The following TXK variants were observed in gnomAD, a reference collection of about 807,000 sequenced individuals.
The protein encoded by TXK is tyrosine-protein kinase TXK.
In TXK, 60 loss-of-function variants were observed where a neutral mutation model predicts 81.0. The observed-to-expected ratio is 0.74, with a 90% CI of 0.60 to 0.92. TXK has a LOEUF of 0.92. Ranked by LOEUF, TXK falls within the 40% of genes least tolerant of loss-of-function variation. The probability of loss-of-function intolerance (pLI) is 0.00; values close to 1 mark genes in which losing one functional copy is unlikely to be tolerated. For missense variants in TXK, 581 were observed against 638.3 expected (o/e 0.91, Z 0.97); for synonymous variants, 203 against 210.7 (o/e 0.96, Z 0.32).
chr4:48,084,264 G>GT (rs922054376), intron 10 of TXK, among the ~76,000 whole-genome samples: 1,465 of 145,440 alleles, frequency 0.01, 29 homozygotes, highest in African/African-American at 0.031. Context: ...TAGTTTTTTT[G>GT]TTTTTTTTTT....
In TXK at chr4:48,077,856, C is replaced by T. The variant is rs920900341; in HGVS notation, c.1174-1390G>A. ...TATGAGGAAGGTGCTATAATTAATA[C>T]CATTTTACTGGTTAACTAGCTTGCC... On this transcript the variant is annotated intron_variant, in intron 11 of 14. Transcript: ENST00000264316. Among the ~76,000 whole-genome samples the T allele has an allele frequency of 6.6e-5, 10 of 152,238 alleles. No homozygotes were observed. The South Asian group carries it at 1.0e-3, about 16-fold the overall frequency.
chr4:48,131,151 G>A lies in TXK; in HGVS notation c.16+3004C>T, dbSNP rs1195819007. Reference sequence around the variant, plus strand: ...TACGTTTCACAAACTGAATCTCACTGGAGCAGTGCCCTGAGACCCCACTCC... The same window carrying A: ...TACGTTTCACAAACTGAATCTCACTAGAGCAGTGCCCTGAGACCCCACTCC... On this transcript the variant is annotated intron_variant, in intron 1 of 14. Coordinates refer to ENST00000264316, the MANE Select transcript of TXK (RefSeq NM_003328.3). Among the ~76,000 whole-genome samples, 4 of 152,176 alleles carry A rather than the reference G, an allele frequency of 2.6e-5. No individual in the cohort carries two copies. The East Asian group carries it at 5.8e-4, about 22-fold the overall frequency.
intron 3 of TXK, 91 bp from the exon 4 acceptor site, chr4:48,112,603 A>C (rs1246843292): frequency 1.0e-5 from 14 of 1,340,674 alleles, no homozygotes; most frequent in Non-Finnish European, 1.1e-5. Context: ...CTTCTGCCTC[A>C]CTTTTCTTAT....
intron 1 of TXK, among the ~76,000 whole-genome samples, chr4:48,128,301 A>AC (rs147244163): frequency 1.3e-5 from 2 of 152,100 alleles, no homozygotes; most frequent in South Asian, 4.1e-4. Context: ...TAACCCAAAG[A>AC]CCAGGCTTGT....
intron 5 of TXK, among the ~76,000 whole-genome samples, chr4:48,105,664 T>G (rs1718430314): frequency 6.6e-6 from 1 of 152,116 alleles, no homozygotes. Context: ...AACTTGCATG[T>G]GTACCCTCTA....
chr4:48,121,757 A>G (rs1382739363), intron 1 of TXK, among the ~76,000 whole-genome samples: 1 of 152,094 alleles, frequency 6.6e-6, no homozygotes, highest in East Asian at 1.9e-4. Flanking sequence ...TTTGTTCCAC[A>G]GTTGGTTGAA....
intron 11 of TXK, among the ~76,000 whole-genome samples, chr4:48,077,603 G>A (rs760030422): frequency 2.9e-4 from 44 of 152,036 alleles, no homozygotes; most frequent in Non-Finnish European, 5.4e-4. Flanking sequence ...ATTGTTATCC[G>A]GAAAGACAAA....
chr4:48,082,751 A>C (rs986679462), intron 10 of TXK, among the ~76,000 whole-genome samples: 11 of 152,208 alleles, frequency 7.2e-5, no homozygotes, highest in African/African-American at 2.7e-4. Context: ...CTCCAGGTCC[A>C]GAAGCAGATG....
At position 48,089,783 on chromosome 4, in the gene TXK, T is replaced by A. The variant is rs763749758; in HGVS notation, c.751A>T (p.Ser251Cys). Residue 251 changes from serine to cysteine, a missense_variant, in exon 9 of 15, where the codon AGT becomes TGT. Physicochemically the swap from Ser to Cys is moderately radical, Grantham distance 112 (BLOSUM62 -1). Coordinates refer to ENST00000264316, the MANE Select transcript of TXK (RefSeq NM_003328.3). Reference protein sequence around the residue: ...RLRYPVGLMGSCLPATAGFSY... With the variant: ...RLRYPVGLMGCCLPATAGFSY... ...AACCCAGCTGTGGCTGGTAAACAAC[T>A]GCCCATCAGCCCAACTGGATATCGG... 1.2e-6 allele frequency: 2 copies of A among 1,613,640 alleles called. No individual in the cohort carries two copies. Among genetic ancestry groups the A allele is most frequent in the Non-Finnish European group, 1.7e-6 (2 of 1,179,718 alleles).
At position 48,120,052 on chromosome 4, in the gene TXK, C is replaced by T. The variant is rs1015065365; in HGVS notation, c.17-5650G>A. On this transcript the variant is annotated intron_variant, in intron 1 of 14. Transcript: ENST00000264316. ...CTTCTCCTATATCACCATTTTTCCCCCTCTACTGGATCATCAGCATATATA... is the reference window on the plus strand; with the variant it reads ...CTTCTCCTATATCACCATTTTTCCCTCTCTACTGGATCATCAGCATATATA... Among the ~76,000 whole-genome samples the T allele has an allele frequency of 7.5e-5, 11 of 146,190 alleles. No individual in the cohort carries two copies. The South Asian group carries it at 1.1e-3, about 15-fold the overall frequency.
chr4:48,109,340 A>G (rs1018188434), intron 5 of TXK: 3 of 152,110 alleles, frequency 2.0e-5, no homozygotes, highest in African/African-American at 7.2e-5. Context: ...TTTGTTTTCA[A>G]TTTTTAAAAA....
intron 10 of TXK, among the ~76,000 whole-genome samples, chr4:48,081,651 G>A (rs1017003679): frequency 6.6e-6 from 1 of 151,838 alleles, no homozygotes; most frequent in Admixed American, 6.6e-5. Flanking sequence ...TAAGTTTCAG[G>A]GTTTTAAATA....
At position 48,113,308 on chromosome 4, in the gene TXK, G is replaced by T; in HGVS notation, c.73C>A (p.Gln25Lys). 1 of 1,599,954 alleles carries T rather than the reference G, an allele frequency of 6.3e-7. No homozygotes were observed. Among genetic ancestry groups the T allele is most frequent in the Non-Finnish European group, 8.5e-7 (1 of 1,170,156 alleles). The change falls in exon 3 of 15, where the codon CAA becomes AAA. Residue 25 changes from glutamine to lysine, a missense_variant and splice_region_variant. Gln to Lys is a moderately conservative substitution (Grantham distance 53, BLOSUM62 1). Transcript: ENST00000264316. ...CCCCCSVQKR[Q>K]MRTQISLSTD... ...CTCAGGCTTATCTGTGTTCTCATTT[G>T]TCTGACATTGAAAAGCAATCATGTT...
intron 1 of TXK, among the ~76,000 whole-genome samples, chr4:48,117,221 C>T (rs1295303797): frequency 6.6e-6 from 1 of 152,168 alleles, no homozygotes; most frequent in Admixed American, 6.5e-5. Flanking sequence ...TGCCCTCTTC[C>T]ATTATCCATT....
At position 48,104,958 on chromosome 4, in the gene TXK, G is replaced by A; in HGVS notation, c.447-3C>T. On this transcript the variant is annotated splice_region_variant and splice_polypyrimidine_tract_variant and intron_variant, in intron 5 of 14. Transcript: ENST00000264316. ...TGGTAATGTTTCTATGGTACCACCT[G>A]TAAAAGCAATAAAAATGATTTTTAA... is the stretch of plus-strand genomic sequence containing the variant. 2 of 1,576,794 alleles carry A rather than the reference G, an allele frequency of 1.3e-6. No homozygotes were observed. Among genetic ancestry groups the A allele is most frequent in the Non-Finnish European group, 1.7e-6 (2 of 1,161,890 alleles).
chr4:48,096,582 A>T (rs570374219), intron 6 of TXK, among the ~76,000 whole-genome samples: 1 of 152,142 alleles, frequency 6.6e-6, no homozygotes, highest in Non-Finnish European at 1.5e-5. Context: ...GTGCAATGGC[A>T]TGATCTCGGC....
chr4:48,104,827 C>CT (rs940100342), intron 6 of TXK, 74 bp downstream of exon 6: 2 of 1,147,388 alleles, frequency 1.7e-6, no homozygotes, highest in Middle Eastern at 2.1e-4. Context: ...AAATAATATA[C>CT]TTTTTTAGTT....
chr4:48,133,138 G>A (rs1400267302), intron 1 of TXK, among the ~76,000 whole-genome samples: 1 of 152,018 alleles, frequency 6.6e-6, no homozygotes, highest in African/African-American at 2.4e-5. Flanking sequence ...CCCATAGTAG[G>A]TGCTCAATAA....
intron 1 of TXK, among the ~76,000 whole-genome samples, chr4:48,132,040 ATT>A (rs35357614): frequency 1.7e-4 from 23 of 138,786 alleles, no homozygotes; most frequent in African/African-American, 3.2e-4. Context: ...GAATAACCTG[ATT>A]TTTTTTTTTT....
Sources: gnomAD v4.1 joint callset for allele counts (sites outside exome capture counted in the v4.1 genomes callset) on GRCh38, gnomAD v4.1.1 for gene constraint, MANE v1.5 for transcripts, NCBI Gene and HGNC (gene_info 2026-07-23, HGNC 2026-07-21) for gene names.